Variants in RARB observed in about 807,000 individuals in gnomAD.
RARB encodes the protein retinoic acid receptor beta, also known as HBV-activated protein.
Under a neutral mutation model 51.9 loss-of-function variants are expected in RARB, and 17 were observed. The observed-to-expected ratio is 0.33, with a 90% CI of 0.22 to 0.49. The LOEUF is 0.49. RARB is among the 20% of genes least tolerant of loss of function. The pLI, the probability that RARB is intolerant of heterozygous loss-of-function variation, is 0.99. For missense variants in RARB, 369 were observed against 550.8 expected (o/e 0.67, Z 3.30); for synonymous variants, 215 against 195.4 (o/e 1.10, Z -0.84).
At chr3:24,879,819 A>G (rs1173145491) in intron 2 of RARB, among the ~76,000 whole-genome samples, 1 of 152,152 alleles carries the variant, frequency 6.6e-6, no homozygotes, top group Non-Finnish European at 1.5e-5. Flanking sequence ...AGGATTCAAG[A>G]TGTGTAGATT....
At chr3:25,520,152 A>G (rs1276707998) in intron 3 of RARB, among the ~76,000 whole-genome samples, 2 of 152,200 alleles carry the variant, frequency 1.3e-5, no homozygotes, top group Non-Finnish European at 2.9e-5. Flanking sequence ...CACAAAACCT[A>G]AAATATCTAC....
At chr3:24,961,672 G>A (rs1696142281) in intron 2 of RARB, among the ~76,000 whole-genome samples, 1 of 152,120 alleles carries the variant, frequency 6.6e-6, no homozygotes, top group Non-Finnish European at 1.5e-5. Flanking sequence ...TCAGAGTATT[G>A]GAAGTGATGG....
intron 3 of RARB, among the ~76,000 whole-genome samples, chr3:25,112,643 T>C (rs1168521795): frequency 6.6e-6 from 1 of 151,982 alleles, no homozygotes; most frequent in African/African-American, 2.4e-5. Context: ...TTGAGCATGG[T>C]GCTACACACC....
At chr3:25,197,147 CTA>C (rs1701264268) in intron 5 of RARB, among the ~76,000 whole-genome samples, 1 of 152,096 alleles carries the variant, frequency 6.6e-6, no homozygotes, top group Non-Finnish European at 1.5e-5. Context: ...TTGCCCATGC[CTA>C]TGTCCTGAAT....
intron 5 of RARB, among the ~76,000 whole-genome samples, chr3:25,593,220 C>G (rs576268330): frequency 2.0e-5 from 3 of 151,488 alleles, no homozygotes; most frequent in African/African-American, 7.3e-5. Context: ...TAATTAGGCA[C>G]TCAGTAAATG....
chr3:24,938,278 A>T (rs555677509), intron 2 of RARB, among the ~76,000 whole-genome samples: 2 of 152,258 alleles, frequency 1.3e-5, no homozygotes, highest in South Asian at 4.1e-4. Context: ...ATTCCCTCCC[A>T]CTTAAAAACA....
At chr3:24,971,730 A>G (rs900349511) in intron 2 of RARB, among the ~76,000 whole-genome samples, 1 of 152,028 alleles carries the variant, frequency 6.6e-6, no homozygotes, top group Non-Finnish European at 1.5e-5. Context: ...CATTTTTATT[A>G]GCATAACTTG....
At chr3:25,279,102 G>A (rs950181202) in intron 5 of RARB, among the ~76,000 whole-genome samples, 10 of 152,104 alleles carry the variant, frequency 6.6e-5, no homozygotes, top group Admixed American at 2.0e-4. Flanking sequence ...CACACACATC[G>A]TTGCCTTCTA....
At chr3:25,552,496 C>T (rs1352138126) in intron 3 of RARB, among the ~76,000 whole-genome samples, 1 of 152,018 alleles carries the variant, frequency 6.6e-6, no homozygotes, top group Non-Finnish European at 1.5e-5. Context: ...GTGCCAGTGG[C>T]TTGTTAGGGC....
At position 25,410,557 on chromosome 3, in the gene RARB, T is replaced by G. The variant is rs186431526; in HGVS notation, c.179-50636T>G. On this transcript the variant is annotated intron_variant, in intron 5 of 11. Transcript: ENST00000383772. ...TTCTTTCCCATATACATTTCAGACT[T>G]GTTTATTTTCTTTTTTGCTTAATTT... Among the ~76,000 whole-genome samples, 99 of 152,330 alleles carry G rather than the reference T, an allele frequency of 6.5e-4. 1 individual carries two copies. Among genetic ancestry groups the G allele is most frequent in the African/African-American group, 2.2e-3 (91 of 41,580 alleles).
chr3:25,120,725 T>G (rs1699770722), intron 3 of RARB, among the ~76,000 whole-genome samples: 1 of 152,148 alleles, frequency 6.6e-6, no homozygotes, highest in Admixed American at 6.6e-5. Flanking sequence ...CCCAGCAAAT[T>G]CCATGAAGAT....
chr3:24,880,476 T>C (rs1056183535), intron 2 of RARB, among the ~76,000 whole-genome samples: 1 of 152,160 alleles, frequency 6.6e-6, no homozygotes, highest in Non-Finnish European at 1.5e-5. Flanking sequence ...CAAGTAGTTA[T>C]GGTGGGGTAG....
At chr3:25,447,308 A>G (rs192897181) in intron 1 of RARB, among the ~76,000 whole-genome samples, 105 of 152,312 alleles carry the variant, frequency 6.9e-4, no homozygotes, top group African/African-American at 2.3e-3. Flanking sequence ...CAAGGCCGCC[A>G]AAATCTTTGT....
At position 25,056,706 on chromosome 3, in the gene RARB, A is replaced by G. The variant is rs151082117; in HGVS notation, c.-379-3419A>G. ...TATCATATGATATACATACCTGTAT[A>G]TATGATAAGATAATTCAACCCTTAT... On this transcript the variant is annotated intron_variant, in intron 2 of 11. Transcript: ENST00000383772. 1.4e-4 allele frequency among the ~76,000 whole-genome samples: 21 copies of G among 152,276 alleles called. No individual in the cohort carries two copies. In the East Asian group the frequency reaches 3.1e-3, roughly 22 times the overall value.
At chr3:24,900,878 T>C (rs1703590297) in intron 2 of RARB, among the ~76,000 whole-genome samples, 1 of 152,142 alleles carries the variant, frequency 6.6e-6, no homozygotes, top group Non-Finnish European at 1.5e-5. Flanking sequence ...GAATAAATAA[T>C]ATAACTCTTA....
In RARB at chr3:25,596,817, TAA is replaced by T. The variant is rs1161437067; in HGVS notation, c.*206_*207del. On this transcript the variant is annotated 3_prime_UTR_variant, in exon 8 of 8. Coordinates refer to ENST00000330688, the MANE Select transcript of RARB (RefSeq NM_000965.5). ...CTAGAAATACAAACTTTTCCAATTT[TAA>T]AAAATCAGCCATTTCATGCAACCAG... 2.4e-6 allele frequency: 1 copy of T among 421,308 alleles called. No individual in the cohort carries two copies. Among genetic ancestry groups the T allele is most frequent in the East Asian group, 3.6e-5 (1 of 27,990 alleles). 26.1% of individuals were successfully genotyped at this position (421,308 alleles called of 1,614,324 possible). A position where few individuals can be genotyped will look rare whatever the true frequency, so the allele number is the denominator to read the frequency against.
intron 4 of RARB, among the ~76,000 whole-genome samples, chr3:25,139,546 A>T (rs1030292433): frequency 4.5e-4 from 69 of 152,252 alleles, no homozygotes; most frequent in African/African-American, 1.6e-3. Flanking sequence ...CTGGAAAAAA[A>T]GTTTGAAACT....
chr3:25,368,851 G>A (rs1018177394), intron 5 of RARB, among the ~76,000 whole-genome samples: 13 of 152,110 alleles, frequency 8.5e-5, no homozygotes, highest in Non-Finnish European at 1.3e-4. Context: ...ATTTAGACCC[G>A]TTTGGATAGT....
At chr3:25,300,377 C>G (rs762886143) in intron 5 of RARB, among the ~76,000 whole-genome samples, 12 of 152,282 alleles carry the variant, frequency 7.9e-5, no homozygotes, top group South Asian at 6.2e-4. Context: ...GTGCAAGACT[C>G]TTGGTCTAAC....
Sources: allele counts gnomAD v4.1 joint callset (sites outside exome capture counted in the v4.1 genomes callset), GRCh38; gene constraint gnomAD v4.1.1; transcripts MANE v1.5; gene names NCBI Gene and HGNC (gene_info 2026-07-23, HGNC 2026-07-21).